Variants in MANBA observed in about 807,000 individuals in gnomAD.
MANBA encodes the protein beta-mannosidase.
MANBA carries 83 observed loss-of-function variants against 111.1 expected under a neutral mutation model. The observed-to-expected ratio is 0.75, with a 90% CI of 0.63 to 0.90. The LOEUF is 0.90. Ranked by LOEUF, MANBA falls within the 40% of genes least tolerant of loss-of-function variation. MANBA has a pLI of 0.00. For missense variants in MANBA, 1,036 were observed against 1,069.0 expected, an observed-to-expected ratio of 0.97 and a Z score of 0.43; for synonymous variants, 370 against 378.7, an observed-to-expected ratio of 0.98 and a Z score of 0.27.
chr4:102,656,691 C>T (rs1730570815), intron 12 of MANBA, among the ~76,000 whole-genome samples: 1 of 152,214 alleles, frequency 6.6e-6, no homozygotes, highest in South Asian at 2.1e-4. Context: ...TGTCCATCAA[C>T]TGATAAATAG....
intron 4 of MANBA, among the ~76,000 whole-genome samples, chr4:102,716,368 A>G (rs188065531): frequency 6.6e-6 from 1 of 151,352 alleles, no homozygotes; most frequent in Admixed American, 6.6e-5. Flanking sequence ...ACAAACACTT[A>G]TAAATAGGTT....
chr4:102,680,856 T>C (rs1011958178), intron 7 of MANBA, among the ~76,000 whole-genome samples: 3 of 152,236 alleles, frequency 2.0e-5, no homozygotes, highest in Non-Finnish European at 2.9e-5. Context: ...TTTATCTCCA[T>C]TCTACTACCT....
At chr4:102,728,882 G>T in intron 1 of MANBA, 1 of 773,908 alleles carries the variant, frequency 1.3e-6, no homozygotes. Flanking sequence ...GCTGGGGCTT[G>T]GGAGGCCCCC....
chr4:102,633,183 C>T (rs2866411), intron 16 of MANBA: 209,052 of 397,176 alleles, frequency 0.53, 55,937 homozygotes, highest in Admixed American at 0.64. Flanking sequence ...CTTAATAAAG[C>T]GTATCAGGTT....
At chr4:102,685,709 T>G (rs1702104461) in intron 7 of MANBA, among the ~76,000 whole-genome samples, 1 of 152,130 alleles carries the variant, frequency 6.6e-6, no homozygotes, top group South Asian at 2.1e-4. Flanking sequence ...TTGAAATCAT[T>G]GCAAACTTGT....
At chr4:102,726,133 G>T (rs1038257351) in intron 2 of MANBA, among the ~76,000 whole-genome samples, 1 of 151,622 alleles carries the variant, frequency 6.6e-6, no homozygotes, top group African/African-American at 2.4e-5. Flanking sequence ...GGGACAGAAG[G>T]ATTTTTTTTT....
chr4:102,703,945 A>G (rs531466955), intron 5 of MANBA, among the ~76,000 whole-genome samples: 1 of 152,212 alleles, frequency 6.6e-6, no homozygotes, highest in East Asian at 1.9e-4. Flanking sequence ...AATACAAAAA[A>G]TAAGCCAGGC....
chr4:102,746,106 G>A (rs1000175796), intron 1 of MANBA, among the ~76,000 whole-genome samples: 1 of 152,130 alleles, frequency 6.6e-6, no homozygotes, highest in Admixed American at 6.6e-5. Flanking sequence ...TGTTGGGGAG[G>A]GGATGTTGCC....
chr4:102,687,241 G>A (rs551274368), intron 7 of MANBA, among the ~76,000 whole-genome samples: 7 of 152,172 alleles, frequency 4.6e-5, no homozygotes, highest in African/African-American at 1.7e-4. Flanking sequence ...CAGCAGTTCT[G>A]TAGACCAACC....
intron 12 of MANBA, among the ~76,000 whole-genome samples, chr4:102,655,757 G>T (rs1301449806): frequency 6.6e-6 from 1 of 152,078 alleles, no homozygotes. Context: ...TTTCTCAGAT[G>T]CAACACCAAA....
rs750438591 is a variant in MANBA, at chr4:102,674,057, G to A, written c.974C>T (p.Thr325Ile). 3 of 1,598,890 alleles carry A rather than the reference G, an allele frequency of 1.9e-6. No homozygotes were observed. The highest frequency in any genetic ancestry group is 2.6e-6 in the Non-Finnish European group (3 of 1,166,496). ...IEKSAKVYFR[T>I]VELIEEPIKG... ...TATAGGCTCTTCTATAAGTTCCACT[G>A]TCCTAAAATAAACCTGCAATGAACA... Residue 325 changes from threonine to isoleucine, a missense_variant, in exon 8 of 17, where the codon ACA becomes ATA. Thr to Ile is a moderately conservative substitution (Grantham distance 89). Coordinates refer to ENST00000647097, the MANE Select transcript of MANBA (RefSeq NM_005908.4).
At chr4:102,721,014 T>A (rs987499232) in intron 4 of MANBA, among the ~76,000 whole-genome samples, 4 of 152,258 alleles carry the variant, frequency 2.6e-5, no homozygotes, top group Non-Finnish European at 5.9e-5. Context: ...ATCTTCACAA[T>A]GAGCCCAATC....
At chr4:102,749,164 T>C (rs909658896) in intron 1 of MANBA, among the ~76,000 whole-genome samples, 6 of 152,302 alleles carry the variant, frequency 3.9e-5, no homozygotes, top group Non-Finnish European at 8.8e-5. Context: ...AAAATACTTA[T>C]GCTTTTATTA....
chr4:102,647,483 G>GA (rs1730153173), intron 13 of MANBA, among the ~76,000 whole-genome samples: 1 of 151,440 alleles, frequency 6.6e-6, no homozygotes, highest in Non-Finnish European at 1.5e-5. Flanking sequence ...TAATTTTGAG[G>GA]AAAAGAATAA....
At chr4:102,723,139 T>A in intron 3 of MANBA, 98 bp from the exon 4 acceptor site, 1 of 1,077,108 alleles carries the variant, frequency 9.3e-7, no homozygotes, top group Non-Finnish European at 1.4e-6. Context: ...ACACATAATA[T>A]AATGCCGATC....
At chr4:102,648,185 A>C (rs1315331409) in intron 13 of MANBA, among the ~76,000 whole-genome samples, 3 of 152,140 alleles carry the variant, frequency 2.0e-5, no homozygotes, top group Admixed American at 2.0e-4. Flanking sequence ...TTCTTAAAAA[A>C]AATACATAAA....
intron 1 of MANBA, among the ~76,000 whole-genome samples, chr4:102,730,971 C>T (rs923165121): frequency 6.6e-6 from 1 of 152,066 alleles, no homozygotes; most frequent in African/African-American, 2.4e-5. Context: ...CCTCTGTCCC[C>T]CTCCCCTTCT....
At chr4:102,658,588 T>A (rs1222657922) in intron 11 of MANBA, among the ~76,000 whole-genome samples, 3 of 152,184 alleles carry the variant, frequency 2.0e-5, no homozygotes, top group African/African-American at 7.2e-5. Flanking sequence ...TAAATAACTC[T>A]CATGTGAAAG....
At chr4:102,714,293 T>C (rs765578376) in intron 5 of MANBA, 145 bp downstream of exon 5, 3 of 792,112 alleles carry the variant, frequency 3.8e-6, no homozygotes, top group Non-Finnish European at 6.2e-6. Flanking sequence ...TTTGTACCTA[T>C]TTTTTACTTT....
Sources: allele counts gnomAD v4.1 joint callset (sites outside exome capture counted in the v4.1 genomes callset), GRCh38; gene constraint gnomAD v4.1.1; transcripts MANE v1.5; gene names NCBI Gene and HGNC (gene_info 2026-07-23, HGNC 2026-07-21).